The following ROBO2 variants were observed in gnomAD, a reference collection of about 807,000 sequenced individuals.
The protein encoded by ROBO2 is roundabout homolog 2.
A neutral mutation model predicts 160.8 loss-of-function variants in ROBO2; 53 were observed. The ratio of observed to expected loss-of-function variants is 0.33; its 90% confidence interval spans 0.26 to 0.41. The LOEUF is 0.41. Ranked by LOEUF, ROBO2 falls within the 10% of genes least tolerant of loss-of-function variation. ROBO2 has a pLI of 1.00. For missense variants in ROBO2, 1,577 were observed against 1,722.4 expected, an observed-to-expected ratio of 0.92 and a Z score of 1.49; for synonymous variants, 664 against 611.7, an observed-to-expected ratio of 1.09 and a Z score of -1.26.
At chr3:77,072,408 G>A (rs2067522182) in intron 1 of ROBO2, among the ~76,000 whole-genome samples, 1 of 152,122 alleles carries the variant, frequency 6.6e-6, no homozygotes, top group Non-Finnish European at 1.5e-5. Context: ...TGGAAAAAGT[G>A]TCACCTGAAA....
chr3:76,323,138 T>TACACACACACACACACACAC lies in ROBO2; in HGVS notation c.109+385555_109+385574dup, dbSNP rs71874425. On this transcript the variant is annotated intron_variant, in intron 2 of 26. Coordinates refer to the ROBO2 transcript ENST00000487694. Reference sequence around the variant, plus strand: ...CAAATCTTTTACTTATTGTTAGTATTACACACACACACACACACACACACA... The same window carrying TACACACACACACACACACAC: ...CAAATCTTTTACTTATTGTTAGTATTACACACACACACACACACACACACACACACACACACACACACACA... 2.5e-3 allele frequency among the ~76,000 whole-genome samples: 360 copies of TACACACACACACACACACAC among 144,030 alleles called. 1 individual carries two copies. Among genetic ancestry groups the TACACACACACACACACACAC allele is most frequent in the Middle Eastern group, 7.0e-3 (2 of 284 alleles). 94.5% of individuals were successfully genotyped at this position (144,030 alleles called of 152,430 possible).
intron 2 of ROBO2, among the ~76,000 whole-genome samples, chr3:76,154,134 C>T (rs540901495): frequency 2.6e-5 from 4 of 152,180 alleles, no homozygotes; most frequent in African/African-American, 9.6e-5. Flanking sequence ...GTTGGAGATA[C>T]ATGAACAGAT....
intron 5 of ROBO2, among the ~76,000 whole-genome samples, chr3:77,501,741 A>G (rs1582507357): frequency 6.6e-6 from 1 of 152,302 alleles, no homozygotes; most frequent in African/African-American, 2.4e-5. Context: ...ATTGAAATAG[A>G]TGGACATAAA....
chr3:76,667,045 A>C (rs1197737534), intron 2 of ROBO2, among the ~76,000 whole-genome samples: 1 of 152,108 alleles, frequency 6.6e-6, no homozygotes, highest in South Asian at 2.1e-4. Flanking sequence ...TGGACAGGGG[A>C]CCATTCACAA....
Position 77,612,673 on chromosome 3 carries a change from G to A in ROBO2, c.3293+4719G>A, listed in dbSNP as rs912553805. Among the ~76,000 whole-genome samples the A allele has an allele frequency of 3.9e-5, 6 of 152,252 alleles. No individual in the cohort carries two copies. In the South Asian group the frequency reaches 6.2e-4, roughly 16 times the overall value. ...AAAAATTGGTGATAACTGGCTAGGCGCGGTAGCTCACTCTTGTAATCCCAG... is the reference window on the plus strand; with the variant it reads ...AAAAATTGGTGATAACTGGCTAGGCACGGTAGCTCACTCTTGTAATCCCAG... On this transcript the variant is annotated intron_variant, in intron 21 of 25. Coordinates refer to ENST00000461745, the Ensembl canonical transcript of ROBO2.
In ROBO2 at chr3:76,087,412, G is replaced by C. The variant is rs147007137; in HGVS notation, c.109+149810G>C. Among the ~76,000 whole-genome samples, 813 of 151,882 alleles carry C rather than the reference G, an allele frequency of 5.4e-3. 11 individuals carry two copies. The highest frequency in any genetic ancestry group is 0.019 in the African/African-American group (787 of 41,470). ...AAAAAACTCACCAAGCTAGAATTCT[G>C]TACCCTGCAAAATTATCCTCCAAAA... On this transcript the variant is annotated intron_variant, in intron 2 of 26. Transcript: ENST00000487694.
At chr3:76,437,355 G>C (rs1047301080) in intron 2 of ROBO2, among the ~76,000 whole-genome samples, 6 of 152,070 alleles carry the variant, frequency 3.9e-5, no homozygotes, top group African/African-American at 1.4e-4. Flanking sequence ...TCCTATACTT[G>C]AAAAAACCAA....
chr3:76,303,167 C>G (rs977639256), intron 2 of ROBO2, among the ~76,000 whole-genome samples: 1 of 152,032 alleles, frequency 6.6e-6, no homozygotes, highest in African/African-American at 2.4e-5. Flanking sequence ...GATTTCAAGG[C>G]TTATTCTCTA....
intron 2 of ROBO2, among the ~76,000 whole-genome samples, chr3:76,586,845 GT>G (rs547778312): frequency 6.0e-4 from 92 of 152,318 alleles, no homozygotes; most frequent in African/African-American, 2.1e-3. Flanking sequence ...ATGATCCCAG[GT>G]TGTAGTGGCT....
chr3:77,289,380 C>G (rs1193712480), intron 2 of ROBO2, among the ~76,000 whole-genome samples: 1 of 134,576 alleles, frequency 7.4e-6, no homozygotes, highest in Admixed American at 7.6e-5. Context: ...TAGATCACCC[C>G]AGACATAAAG....
intron 2 of ROBO2, among the ~76,000 whole-genome samples, chr3:76,903,097 G>A (rs1448704646): frequency 1.3e-5 from 2 of 151,940 alleles, no homozygotes; most frequent in Non-Finnish European, 2.9e-5. Flanking sequence ...TTATAGTACA[G>A]TTTTCTTATT....
At chr3:77,627,631 AAAG>A (rs1346382581) in intron 23 of ROBO2, among the ~76,000 whole-genome samples, 9 of 152,270 alleles carry the variant, frequency 5.9e-5, no homozygotes, top group Admixed American at 4.6e-4. Flanking sequence ...TGTTTGAGTG[AAAG>A]AAGAAGTTCT....
chr3:76,322,486 AC>A (rs149208967), intron 2 of ROBO2, among the ~76,000 whole-genome samples: 3,464 of 152,092 alleles, frequency 0.023, 60 homozygotes, highest in South Asian at 0.076. Flanking sequence ...TTTAAGATTT[AC>A]TGTTATAATT....
chr3:77,553,280 CTT>C (rs2092987999), intron 8 of ROBO2, among the ~76,000 whole-genome samples: 1 of 151,914 alleles, frequency 6.6e-6, no homozygotes, highest in East Asian at 1.9e-4. Flanking sequence ...AGATGGTAAA[CTT>C]AACTGGTAAA....
rs1174587812 is a variant in ROBO2 at position 77,075,672 on chromosome 3, C to CTTTTTTTTTTTTTTTTTT, written c.62-22336_62-22319dup. On this transcript the variant is annotated intron_variant, in intron 1 of 25. Transcript: ENST00000461745. Reference sequence around the variant, plus strand: ...ATACACTACTATTTCTTTCTTTCTCCTTTTTTTTTTTTTTTTTTTTTTTGA... The same window carrying CTTTTTTTTTTTTTTTTTT: ...ATACACTACTATTTCTTTCTTTCTCCTTTTTTTTTTTTTTTTTTTTTTTTTTTTTTTTTTTTTTTTTGA... Among the ~76,000 whole-genome samples, 5 of 87,254 alleles carry CTTTTTTTTTTTTTTTTTT rather than the reference C, an allele frequency of 5.7e-5. 2 individuals are homozygous for CTTTTTTTTTTTTTTTTTT. The highest frequency in any genetic ancestry group is 1.5e-4 in the African/African-American group (3 of 20,458). The allele number at this position is 87,254 out of a possible 152,430, so 57.2% of individuals were successfully genotyped here. A position where few individuals can be genotyped will look rare whatever the true frequency, so the allele number is the denominator to read the frequency against.
chr3:76,689,052 C>T (rs1321952205), intron 2 of ROBO2, among the ~76,000 whole-genome samples: 1 of 151,962 alleles, frequency 6.6e-6, no homozygotes, highest in Non-Finnish European at 1.5e-5. Context: ...AAAAATAATA[C>T]ATAATGTTAA....
At chr3:76,260,466 A>C (rs569343055) in intron 2 of ROBO2, among the ~76,000 whole-genome samples, 138 of 152,294 alleles carry the variant, frequency 9.1e-4, no homozygotes, top group African/African-American at 3.2e-3. Flanking sequence ...CTTTGCTTTG[A>C]TTAATATGTG....
chr3:76,205,761 G>A (rs1702771748), intron 2 of ROBO2, among the ~76,000 whole-genome samples: 1 of 152,030 alleles, frequency 6.6e-6, no homozygotes, highest in Admixed American at 6.6e-5. Flanking sequence ...TCCTGTTCAC[G>A]GATCTAAGAG....
upstream of ROBO2, among the ~76,000 whole-genome samples, chr3:77,036,515 G>C (rs1028888899): frequency 6.6e-6 from 1 of 151,910 alleles, no homozygotes; most frequent in African/African-American, 2.4e-5. Flanking sequence ...TTATACTTCT[G>C]CTGGAATACC....
Sources: gnomAD v4.1 joint callset for allele counts (sites outside exome capture counted in the v4.1 genomes callset) on GRCh38, gnomAD v4.1.1 for gene constraint, MANE v1.5 for transcripts, NCBI Gene and HGNC (gene_info 2026-07-23, HGNC 2026-07-21) for gene names.